Variants in SPECC1 observed in about 807,000 individuals in gnomAD.
The protein encoded by SPECC1 is cytospin-B.
Under a neutral mutation model 104.1 loss-of-function variants are expected in SPECC1, and 62 were observed. The ratio of observed to expected loss-of-function variants is 0.60; its 90% CI spans 0.49 to 0.74. The LOEUF (loss-of-function observed/expected upper bound fraction) is 0.74. Ranked by LOEUF, SPECC1 falls within the 30% of genes least tolerant of loss-of-function variation. SPECC1 has a pLI of 0.00. For synonymous variants in SPECC1, 513 were observed against 501.6 expected (o/e 1.02, Z -0.30); for missense variants, 1,306 against 1,310.5 (o/e 1.00, Z 0.05).
rs140052426 is a variant in SPECC1 at position 20,246,016 on chromosome 17, A to G, written c.2442A>G (p.Pro814=). The G allele has an allele frequency of 1.4e-4, 230 of 1,614,082 alleles. 1 individual carries two copies. In the East Asian group the frequency reaches 5.1e-3, roughly 36 times the overall value. The change falls in exon 8 of 15, where the codon CCA becomes CCG. Residue 814 remains proline (P), a synonymous_variant. Transcript: ENST00000395527. ...TTAGCAGAACATCTCCAACACCCCC[A>G]GAGTCGGCAACCACCGTTAAGTCAC... ...VCVSRTSPTP[P]ESATTVKSLI... is the part of the protein sequence containing the mutation.
At chr17:20,098,915 A>G (rs2047785744) in intron 2 of SPECC1, among the ~76,000 whole-genome samples, 1 of 152,172 alleles carries the variant, frequency 6.6e-6, no homozygotes, top group Non-Finnish European at 1.5e-5. Context: ...AGCACCTGCT[A>G]CCTGGTAGGC....
chr17:20,220,651 A>T (rs1371952455), intron 4 of SPECC1, among the ~76,000 whole-genome samples: 1 of 147,306 alleles, frequency 6.8e-6, no homozygotes, highest in Non-Finnish European at 1.5e-5. Flanking sequence ...CTTCCTTTCC[A>T]ATTTGGATGC....
chr17:20,282,985 C>T (rs1259199982), intron 12 of SPECC1, among the ~76,000 whole-genome samples: 1 of 152,016 alleles, frequency 6.6e-6, no homozygotes, highest in Non-Finnish European at 1.5e-5. Context: ...TCAAGACCAG[C>T]CTGGGCAACA....
At chr17:20,113,342 G>C (rs1012647366) in intron 3 of SPECC1, among the ~76,000 whole-genome samples, 1 of 152,060 alleles carries the variant, frequency 6.6e-6, no homozygotes, top group African/African-American at 2.4e-5. Context: ...AGATGCATTT[G>C]AGGATTTTAA....
At chr17:20,087,442 A>G (rs1037921079) in intron 1 of SPECC1, among the ~76,000 whole-genome samples, 3 of 152,058 alleles carry the variant, frequency 2.0e-5, no homozygotes, top group Non-Finnish European at 4.4e-5. Context: ...TTTTTTTTCA[A>G]CCATTTAGAG....
rs749823087 is a variant in SPECC1, at chr17:20,110,548, T to C, written c.269T>C (p.Leu90Pro). The C allele has an allele frequency of 1.2e-6, 2 of 1,613,156 alleles. No individual in the cohort carries two copies. Among genetic ancestry groups the C allele is most frequent in the East Asian group, 4.5e-5 (2 of 44,810 alleles). ...GAISELTESR[L>P]RSGTGAFTTT... ...ATCTCGGAGCTCACGGAGAGCCGCC[T>C]GAGGAGCGGCACAGGTAGGAGGGAC... Residue 90 changes from leucine (L) to proline (P), a missense_variant, in exon 3 of 15, where the codon CTG (leucine) becomes CCG (proline). Around this residue, in one of 2 missense-constraint regions of SPECC1, gnomAD observed 1,177 missense variants for 1,139.9 expected, o/e 1.03. Transcript: ENST00000395527.
intron 4 of SPECC1, among the ~76,000 whole-genome samples, chr17:20,227,089 C>G (rs1198291508): frequency 6.6e-6 from 1 of 152,102 alleles, no homozygotes; most frequent in East Asian, 1.9e-4. Flanking sequence ...TGCAGATTCC[C>G]TCCTGCTTGT....
intron 5 of SPECC1, among the ~76,000 whole-genome samples, chr17:20,231,018 A>G (rs538395095): frequency 6.6e-6 from 1 of 152,290 alleles, no homozygotes; most frequent in East Asian, 1.9e-4. Flanking sequence ...GAGCATGAGG[A>G]CCTATTGAGG....
chr17:20,205,665 A>G lies in SPECC1; in HGVS notation c.1616A>G (p.Glu539Gly). ...NNNMMAKTLEECRVTLEGLKM... is the reference protein window; with the variant it reads ...NNNMMAKTLEGCRVTLEGLKM... ...AACATGATGGCCAAAACTTTGGAAGAGTGTAGAGTTACCTTGGAAGGGCTA... is the reference window on the plus strand; with the variant it reads ...AACATGATGGCCAAAACTTTGGAAGGGTGTAGAGTTACCTTGGAAGGGCTA... Residue 539 changes from glutamate (E) to glycine (G), a missense_variant, in exon 4 of 15, where the codon GAG becomes GGG. Around this residue, in one of 2 missense-constraint regions of SPECC1, gnomAD observed 1,177 missense variants for 1,139.9 expected, o/e 1.03. Transcript: ENST00000395527. 1 of 1,614,194 alleles carries G rather than the reference A, an allele frequency of 6.2e-7. No individual in the cohort carries two copies. Among genetic ancestry groups the G allele is most frequent in the Non-Finnish European group, 8.5e-7 (1 of 1,180,032 alleles).
chr17:20,187,929 G>A (rs1044316498), intron 3 of SPECC1, among the ~76,000 whole-genome samples: 1 of 152,196 alleles, frequency 6.6e-6, no homozygotes, highest in Non-Finnish European at 1.5e-5. Context: ...ACGTGGAAGA[G>A]GCAATAAATT....
chr17:20,314,464 G>A lies in SPECC1; in HGVS notation c.*399G>A, dbSNP rs755085654. Reference sequence around the variant, plus strand: ...TGGTTGCTGTTGTTAAAAATATCCCGGCTTTGCCTTTATGAAACCTTTGCC... The same window carrying A: ...TGGTTGCTGTTGTTAAAAATATCCCAGCTTTGCCTTTATGAAACCTTTGCC... On this transcript the variant is annotated 3_prime_UTR_variant, in exon 15 of 15. Coordinates refer to ENST00000395527, the MANE Select transcript of SPECC1 (RefSeq NM_001243439.2). 417 of 309,058 alleles carry A rather than the reference G, an allele frequency of 1.3e-3. 3 individuals are homozygous for A. Among genetic ancestry groups the A allele is most frequent in the Non-Finnish European group, 2.2e-3 (361 of 160,590 alleles). The allele number at this position is 309,058 out of a possible 1,614,324, so 19.1% of individuals were successfully genotyped here.
Position 20,296,954 on chromosome 17 carries a change from C to T in SPECC1, c.2941-7C>T, listed in dbSNP as rs1300653866. The T allele has an allele frequency of 1.1e-5, 17 of 1,613,670 alleles. No homozygotes were observed. Among genetic ancestry groups the T allele is most frequent in the Non-Finnish European group, 1.4e-5 (16 of 1,179,620 alleles). ...TTCTTGTTTATTACTACTTTTCTCTCCTGCAGAACATTGACATCACCAATT... is the reference window on the plus strand; with the variant it reads ...TTCTTGTTTATTACTACTTTTCTCTTCTGCAGAACATTGACATCACCAATT... On this transcript the variant is annotated splice_polypyrimidine_tract_variant and splice_region_variant and intron_variant, in intron 12 of 14. Transcript: ENST00000395527.
chr17:20,174,227 C>T (rs978252804), intron 3 of SPECC1, among the ~76,000 whole-genome samples: 5 of 152,050 alleles, frequency 3.3e-5, no homozygotes, highest in Non-Finnish European at 7.4e-5. Flanking sequence ...CTACACCTGG[C>T]TGGCAGTTGA....
chr17:20,108,637 C>T (rs1303637951), intron 2 of SPECC1, among the ~76,000 whole-genome samples: 11 of 152,180 alleles, frequency 7.2e-5, no homozygotes, highest in African/African-American at 1.9e-4. Flanking sequence ...GGACAGCCAC[C>T]CATTTATTAG....
intron 1 of SPECC1, among the ~76,000 whole-genome samples, chr17:20,095,411 G>T (rs2047598429): frequency 6.6e-6 from 1 of 152,218 alleles, no homozygotes; most frequent in African/African-American, 2.4e-5. Flanking sequence ...AGCATTCACA[G>T]AGCCGCTGCC....
chr17:20,023,787 G>A (rs539906352), intron 1 of SPECC1, among the ~76,000 whole-genome samples: 1 of 150,398 alleles, frequency 6.6e-6, no homozygotes, highest in Admixed American at 6.7e-5. Context: ...TAACTCCTAT[G>A]CTATTCAAAT....
intron 1 of SPECC1, among the ~76,000 whole-genome samples, chr17:20,082,062 C>T (rs867787161): frequency 2.0e-5 from 3 of 152,212 alleles, no homozygotes; most frequent in African/African-American, 4.8e-5. Flanking sequence ...TCTGGGCCTC[C>T]GCCATCCACC....
intron 2 of SPECC1, among the ~76,000 whole-genome samples, chr17:20,108,579 C>T (rs946904935): frequency 6.6e-6 from 1 of 152,176 alleles, no homozygotes; most frequent in Non-Finnish European, 1.5e-5. Flanking sequence ...TGGAATCAGG[C>T]AGTATATACT....
At chr17:20,197,311 T>TGAA (rs1462467082) in intron 3 of SPECC1, among the ~76,000 whole-genome samples, 2 of 152,206 alleles carry the variant, frequency 1.3e-5, no homozygotes, top group Non-Finnish European at 1.5e-5. Flanking sequence ...CCAATATTTC[T>TGAA]GGCTTTTGAA....
Sources: allele counts gnomAD v4.1 joint callset (sites outside exome capture counted in the v4.1 genomes callset), GRCh38; gene constraint gnomAD v4.1.1; regional missense constraint gnomAD v4.1.1; transcripts MANE v1.5; gene names NCBI Gene and HGNC (gene_info 2026-07-23, HGNC 2026-07-21).